The following GHR variants were observed in gnomAD, a reference collection of about 807,000 sequenced individuals.
GHR encodes growth hormone receptor.
In GHR, 35 loss-of-function variants were observed where a neutral mutation model predicts 67.1. The ratio of observed to expected loss-of-function variants is 0.52; its 90% CI spans 0.40 to 0.69. GHR has a LOEUF of 0.69. GHR is among the 30% of genes least tolerant of loss of function. The probability of loss-of-function intolerance (pLI) is 0.00; values close to 1 mark genes in which losing one functional copy is unlikely to be tolerated. For synonymous variants in GHR, 272 were observed against 269.1 expected, an observed-to-expected ratio of 1.01 and a Z score of -0.10; for missense variants, 792 against 764.6, an observed-to-expected ratio of 1.04 and a Z score of -0.42.
intron 1 of GHR, among the ~76,000 whole-genome samples, chr5:42,532,488 C>A (rs981295896): frequency 1.3e-5 from 2 of 152,034 alleles, no homozygotes; most frequent in Non-Finnish European, 2.9e-5. Context: ...AGCTGTTATT[C>A]GTAAAGAAAC....
chr5:42,562,575 T>C (rs1277635426), intron 1 of GHR, among the ~76,000 whole-genome samples: 1 of 152,046 alleles, frequency 6.6e-6, no homozygotes, highest in Non-Finnish European at 1.5e-5. Context: ...GGATTCTTGT[T>C]TGTTTTTTGT....
At chr5:42,694,857 G>T (rs1334982124) in intron 4 of GHR, 60 bp from the exon 5 acceptor site, 2 of 1,267,024 alleles carry the variant, frequency 1.6e-6, no homozygotes, top group East Asian at 2.3e-5. Flanking sequence ...CACCTTACTT[G>T]GACTTAAGCT....
intron 1 of GHR, among the ~76,000 whole-genome samples, chr5:42,493,157 T>C (rs1746185812): frequency 6.6e-6 from 1 of 152,190 alleles, no homozygotes; most frequent in Admixed American, 6.5e-5. Context: ...TTTCAGTGAT[T>C]CTGTAGGCAG....
chr5:42,466,620 C>CT (rs1347684619), intron 1 of GHR, among the ~76,000 whole-genome samples: 1 of 152,202 alleles, frequency 6.6e-6, no homozygotes, highest in Non-Finnish European at 1.5e-5. Flanking sequence ...TGACCCATTC[C>CT]TAAGAAAGCT....
At chr5:42,695,420 T>A (rs1460223355) in intron 5 of GHR, among the ~76,000 whole-genome samples, 1 of 152,240 alleles carries the variant, frequency 6.6e-6, no homozygotes, top group African/African-American at 2.4e-5. Flanking sequence ...ATTCTTAGGA[T>A]TTCTTACTTC....
chr5:42,701,088 G>C (rs1316682334), intron 6 of GHR, among the ~76,000 whole-genome samples: 1 of 152,172 alleles, frequency 6.6e-6, no homozygotes, highest in Non-Finnish European at 1.5e-5. Flanking sequence ...GGGAGCCACA[G>C]ACCCTTGAGG....
At chr5:42,697,914 C>T (rs1347787734) in intron 5 of GHR, among the ~76,000 whole-genome samples, 1 of 152,042 alleles carries the variant, frequency 6.6e-6, no homozygotes, top group African/African-American at 2.4e-5. Context: ...TGGCCAGGAC[C>T]AGGTTATTAG....
At chr5:42,506,275 T>G (rs1265240783) in intron 1 of GHR, among the ~76,000 whole-genome samples, 1 of 152,204 alleles carries the variant, frequency 6.6e-6, no homozygotes, top group Non-Finnish European at 1.5e-5. Flanking sequence ...CAAAAGCCCT[T>G]TCTAAGTGAG....
chr5:42,529,555 A>G (rs1280720288), intron 1 of GHR, among the ~76,000 whole-genome samples: 4 of 152,138 alleles, frequency 2.6e-5, no homozygotes, highest in Admixed American at 2.0e-4. Flanking sequence ...AACTACGCAG[A>G]TGTCTGAGTC....
rs1166070889 is a variant in GHR, at chr5:42,713,511, A to G, written c.867A>G (p.Lys289=). The G allele has an allele frequency of 2.9e-6, 4 of 1,357,166 alleles. No individual in the cohort carries two copies. In the African/African-American group the frequency reaches 5.7e-5, roughly 19 times the overall value. The allele number at this position is 1,357,166 out of a possible 1,614,324, so 84.1% of individuals were successfully genotyped here. Residue 289 remains lysine, a synonymous_variant, in exon 8 of 10, where the codon AAA becomes AAG. Transcript: ENST00000230882. ...TGCTATTTGTATTCTTATTTTCTAAACAGCAAAGGTAGGTGTGGAGTAGTA... is the reference window on the plus strand; with the variant it reads ...TGCTATTTGTATTCTTATTTTCTAAGCAGCAAAGGTAGGTGTGGAGTAGTA... ...TVMLFVFLFS[K]QQRIKMLILP...
At chr5:42,647,360 A>G (rs1428947891) in intron 3 of GHR, among the ~76,000 whole-genome samples, 2 of 151,956 alleles carry the variant, frequency 1.3e-5, no homozygotes, top group Non-Finnish European at 2.9e-5. Context: ...GGATCACGAG[A>G]TCAGGAAATC....
At chr5:42,437,745 A>G (rs1743391720) in intron 1 of GHR, among the ~76,000 whole-genome samples, 2 of 151,726 alleles carry the variant, frequency 1.3e-5, no homozygotes, top group East Asian at 1.9e-4. Context: ...TAATAGAGAC[A>G]GGGTTTAGCC....
Position 42,509,758 on chromosome 5 carries a change from A to G in GHR, c.-11-56106A>G, listed in dbSNP as rs188843964. 1.1e-3 allele frequency among the ~76,000 whole-genome samples: 157 copies of G among 144,706 alleles called. No homozygotes were observed. In the East Asian group the frequency reaches 0.021, roughly 20 times the overall value. 94.9% of individuals were successfully genotyped at this position (144,706 alleles called of 152,430 possible). A position where few individuals can be genotyped will look rare whatever the true frequency, so the allele number is the denominator to read the frequency against. ...TTTTTTTTTTTACACGTCTACCTCT[A>G]TTAGCACTCCCTGCTCCTATTTTAG... On this transcript the variant is annotated intron_variant, in intron 1 of 9. Transcript: ENST00000230882.
chr5:42,650,925 G>A (rs1395007289), intron 3 of GHR, among the ~76,000 whole-genome samples: 1 of 152,130 alleles, frequency 6.6e-6, no homozygotes, highest in East Asian at 1.9e-4. Context: ...AAGTCTGAAG[G>A]TTTATAGGTC....
chr5:42,596,696 T>C (rs546357030), intron 2 of GHR, among the ~76,000 whole-genome samples: 15 of 152,258 alleles, frequency 9.9e-5, no homozygotes, highest in African/African-American at 3.6e-4. Context: ...TCTCCTGATA[T>C]GATTGAGAGA....
chr5:42,570,124 A>C (rs1750205601), intron 2 of GHR, among the ~76,000 whole-genome samples: 1 of 152,230 alleles, frequency 6.6e-6, no homozygotes, highest in Admixed American at 6.5e-5. Context: ...TATATTTCAC[A>C]CAAGTATTAG....
Position 42,694,430 on chromosome 5 carries a change from G to A in GHR, c.267-487G>A, listed in dbSNP as rs75320054. On this transcript the variant is annotated intron_variant, in intron 4 of 9. Transcript: ENST00000230882. Reference sequence around the variant, plus strand: ...TTATATCTGCACAGCGTTGGTGCTGGATATAATGCATCACTCTGCCTGGAG... The same window carrying A: ...TTATATCTGCACAGCGTTGGTGCTGAATATAATGCATCACTCTGCCTGGAG... Among the ~76,000 whole-genome samples the A allele has an allele frequency of 7.8e-3, 1,193 of 152,282 alleles. 5 individuals carry two copies. Among genetic ancestry groups the A allele is most frequent in the Non-Finnish European group, 0.013 (863 of 68,008 alleles).
At chr5:42,677,470 C>T (rs1756626810) in intron 3 of GHR, among the ~76,000 whole-genome samples, 1 of 152,112 alleles carries the variant, frequency 6.6e-6, no homozygotes, top group African/African-American at 2.4e-5. Flanking sequence ...TTTAATTTAA[C>T]ACTAATATGT....
intron 1 of GHR, among the ~76,000 whole-genome samples, chr5:42,540,919 G>C (rs1748485685): frequency 1.3e-5 from 2 of 149,544 alleles, no homozygotes. Flanking sequence ...ATTATCCTTT[G>C]TGACAGTCTC....
Sources: allele counts gnomAD v4.1 joint callset (sites outside exome capture counted in the v4.1 genomes callset), GRCh38; gene constraint gnomAD v4.1.1; transcripts MANE v1.5; gene names NCBI Gene and HGNC (gene_info 2026-07-23, HGNC 2026-07-21).